The following CNBD1 variants were observed in gnomAD, a reference collection of about 807,000 sequenced individuals.
CNBD1 encodes the protein cyclic nucleotide-binding domain-containing protein 1.
CNBD1 carries 71 observed loss-of-function variants against 54.4 expected under a neutral mutation model. The ratio of observed to expected loss-of-function variants is 1.30; its 90% CI spans 1.08 to 1.59. CNBD1 has a LOEUF of 1.59. CNBD1 is among the 40% of genes most tolerant of loss of function. CNBD1 has a pLI of 0.00. For synonymous variants in CNBD1, 182 were observed against 170.7 expected (o/e 1.07, Z -0.51); for missense variants, 659 against 518.0 (o/e 1.27, Z -2.64).
chr8:87,411,250 G>T (rs1807736570), intron 2 of CNBD1, among the ~76,000 whole-genome samples: 1 of 151,580 alleles, frequency 6.6e-6, no homozygotes, highest in Admixed American at 6.6e-5. Context: ...CTGGCATATA[G>T]TTGAAGCTAA....
At chr8:87,067,835 A>G (rs1359157004) in intron 4 of CNBD1, among the ~76,000 whole-genome samples, 2 of 151,934 alleles carry the variant, frequency 1.3e-5, no homozygotes, top group Non-Finnish European at 2.9e-5. Flanking sequence ...TTCACAATAT[A>G]CTTAGTGTTT....
chr8:87,186,691 T>C (rs536611275), intron 4 of CNBD1, among the ~76,000 whole-genome samples: 22 of 152,162 alleles, frequency 1.4e-4, no homozygotes, highest in African/African-American at 5.0e-4. Context: ...AAATTTCTTT[T>C]TGAATTCTTA....
chr8:87,178,126 C>T (rs984445430), intron 4 of CNBD1, among the ~76,000 whole-genome samples: 10 of 152,162 alleles, frequency 6.6e-5, no homozygotes, highest in Admixed American at 2.0e-4. Context: ...TTCTAAATGC[C>T]AGACACTCTT....
intron 10 of CNBD1, among the ~76,000 whole-genome samples, chr8:87,376,926 G>A (rs1280247137): frequency 1.3e-5 from 2 of 151,094 alleles, no homozygotes; most frequent in East Asian, 3.9e-4. Flanking sequence ...GAGGACACAT[G>A]TCTAACCACT....
At chr8:87,281,545 T>TAG (rs1351929699) in intron 6 of CNBD1, among the ~76,000 whole-genome samples, 247 of 1,064 alleles carry the variant, frequency 0.23, 2 homozygotes, top group African/African-American at 0.31. Flanking sequence ...GGCTAAGATA[T>TAG]ATATATATAT....
At chr8:87,319,257 T>C (rs1393777951) in intron 8 of CNBD1, among the ~76,000 whole-genome samples, 1 of 152,080 alleles carries the variant, frequency 6.6e-6, no homozygotes, top group African/African-American at 2.4e-5. Flanking sequence ...AAGGGGGTAA[T>C]AATTCAATGC....
rs1005853382 is a variant in CNBD1, at chr8:87,166,537, C to G, written c.432-39456C>G. ...TGCTCTTCAAATAGAATCTAAACTC[C>G]TTAACAATGTTACACATGGCCTGAG... On this transcript the variant is annotated intron_variant, in intron 4 of 10. Transcript: ENST00000518476. This position sits in a 1 kb window ranked among gnomAD's most constrained non-coding sequence, Gnocchi z 4.3. 6.6e-6 allele frequency among the ~76,000 whole-genome samples: 1 copy of G among 151,956 alleles called. No homozygotes were observed. Among genetic ancestry groups the G allele is most frequent in the Non-Finnish European group, 1.5e-5 (1 of 67,926 alleles).
At chr8:87,336,168 T>C (rs1397463250) in intron 8 of CNBD1, among the ~76,000 whole-genome samples, 1 of 152,138 alleles carries the variant, frequency 6.6e-6, no homozygotes, top group African/African-American at 2.4e-5. Flanking sequence ...CTGATGATTA[T>C]GTGTCTTGGG....
chr8:87,330,842 C>T (rs987179071), intron 8 of CNBD1, among the ~76,000 whole-genome samples: 2 of 152,058 alleles, frequency 1.3e-5, no homozygotes, highest in Non-Finnish European at 2.9e-5. Context: ...TAGAATTTAA[C>T]TGTGAAATAC....
In CNBD1 at chr8:87,239,101, C is replaced by G. The variant is rs541840985; in HGVS notation, c.771+1989C>G. The stretch of plus-strand genomic sequence containing the variant: ...TTTGTATTGCTAGCTGGCTGGCAGG[C>G]AGTTAAGCTCTAAATCCAGTATTTT... On this transcript the variant is annotated intron_variant, in intron 6 of 10. Transcript: ENST00000518476. 3.4e-4 allele frequency among the ~76,000 whole-genome samples: 51 copies of G among 152,156 alleles called. No individual in the cohort carries two copies. In the East Asian group the frequency reaches 9.7e-3, roughly 29 times the overall value.
intron 10 of CNBD1, among the ~76,000 whole-genome samples, chr8:87,359,281 A>G (rs1344944373): frequency 6.8e-6 from 1 of 146,606 alleles, no homozygotes; most frequent in Non-Finnish European, 1.5e-5. Context: ...AGACTATTCC[A>G]TAGTCTGAAT....
At chr8:86,939,507 C>A (rs959738365) in intron 3 of CNBD1, 89 bp from the exon 4 acceptor site, 1 of 849,532 alleles carries the variant, frequency 1.2e-6, no homozygotes, top group Non-Finnish European at 1.7e-6. Context: ...CAAAACAGTG[C>A]ATTTATACTC....
At chr8:86,897,524 T>G (rs909422057) in intron 2 of CNBD1, among the ~76,000 whole-genome samples, 5 of 151,668 alleles carry the variant, frequency 3.3e-5, no homozygotes, top group African/African-American at 1.2e-4. Context: ...AGATAGTGAG[T>G]CTACCCAAGA....
intron 4 of CNBD1, among the ~76,000 whole-genome samples, chr8:87,201,643 C>T (rs1445249958): frequency 2.0e-5 from 3 of 151,862 alleles, no homozygotes; most frequent in Non-Finnish European, 4.4e-5. Context: ...ACATAAAATA[C>T]TTAGAAATGA....
Position 86,939,742 on chromosome 8 carries a change from T to A in CNBD1, c.419T>A (p.Ile140Asn). 1 of 1,554,692 alleles carries A rather than the reference T, an allele frequency of 6.4e-7. No homozygotes were observed. The highest frequency in any genetic ancestry group is 8.7e-7 in the Non-Finnish European group (1 of 1,146,304). The change falls in exon 4 of 11, where the codon ATC (isoleucine) becomes AAC (asparagine). Residue 140 changes from isoleucine (I) to asparagine (N), a missense_variant. Transcript: ENST00000518476. ...GAGAAATTTGAAGAATTCCTAGCTA[T>A]CTTAAAGAAATTGTAAGTATTTAAA... ...ATEKFEEFLA[I>N]LKKLPIHRTP...
chr8:87,177,216 T>C (rs1813218490), intron 4 of CNBD1, among the ~76,000 whole-genome samples: 1 of 152,178 alleles, frequency 6.6e-6, no homozygotes, highest in Non-Finnish European at 1.5e-5. Context: ...ATTAAAGGGA[T>C]ATAAAGTGGA....
At chr8:86,876,168 C>T (rs1243603869) in intron 1 of CNBD1, among the ~76,000 whole-genome samples, 1 of 112,028 alleles carries the variant, frequency 8.9e-6, no homozygotes, top group African/African-American at 3.9e-5. Flanking sequence ...TTGTTTGATA[C>T]CTGTGTGTGT....
chr8:87,304,410 C>T (rs1809092813), intron 8 of CNBD1, among the ~76,000 whole-genome samples: 4 of 151,968 alleles, frequency 2.6e-5, no homozygotes, highest in Admixed American at 2.6e-4. Flanking sequence ...ACTGCATGTT[C>T]TCACTCATAG....
intron 10 of CNBD1, among the ~76,000 whole-genome samples, chr8:87,369,906 T>G (rs555334023): frequency 1.3e-5 from 2 of 151,128 alleles, no homozygotes; most frequent in East Asian, 2.0e-4. Flanking sequence ...GTCCCCAGAG[T>G]GTGATGTTCC....
Sources: allele counts gnomAD v4.1 joint callset (sites outside exome capture counted in the v4.1 genomes callset), GRCh38; gene constraint gnomAD v4.1.1; non-coding constraint Gnocchi (gnomAD v3.1); transcripts MANE v1.5; gene names NCBI Gene and HGNC (gene_info 2026-07-23, HGNC 2026-07-21).